The following DGKB variants were observed in gnomAD, a reference collection of about 807,000 sequenced individuals.
DGKB encodes diacylglycerol kinase beta, also known as 90 kDa diacylglycerol kinase.
Under a neutral mutation model 114.3 loss-of-function variants are expected in DGKB, and 67 were observed. The ratio of observed to expected loss-of-function variants is 0.59; its 90% CI spans 0.48 to 0.72. DGKB has a LOEUF of 0.72. Among genes scored for constraint, DGKB ranks in the 30% least tolerant of loss-of-function variants. DGKB has a pLI of 0.00. For synonymous variants in DGKB, 398 were observed against 323.1 expected (o/e 1.23, Z -2.49); for missense variants, 907 against 975.2 (o/e 0.93, Z 0.93).
At chr7:14,454,567 A>T (rs555805542) in intron 21 of DGKB, among the ~76,000 whole-genome samples, 75 of 152,192 alleles carry the variant, frequency 4.9e-4, no homozygotes, top group African/African-American at 1.6e-3. Context: ...TGATTATGTG[A>T]CACGATCTTT....
chr7:14,519,303 T>G (rs925842696), intron 20 of DGKB, among the ~76,000 whole-genome samples: 1 of 152,076 alleles, frequency 6.6e-6, no homozygotes, highest in Admixed American at 6.6e-5. Flanking sequence ...TTTTTCTGTA[T>G]AAATGGGTTT....
rs529650350 is a variant in DGKB at position 14,965,140 on chromosome 7, T to C, written c.-188+9556A>G. On this transcript the variant is annotated intron_variant, in intron 1 of 4. Transcript: ENST00000437998. The stretch of plus-strand genomic sequence containing the variant: ...GAAGAGAATACATTTTATTTTGATA[T>C]GTAGAATTGAATATACCCTAGATAT... Among the ~76,000 whole-genome samples the C allele has an allele frequency of 1.4e-4, 21 of 152,222 alleles. No homozygotes were observed. The East Asian group carries it at 3.7e-3, about 27-fold the overall frequency.
At chr7:14,513,265 A>G (rs767471610) in intron 20 of DGKB, among the ~76,000 whole-genome samples, 1 of 152,066 alleles carries the variant, frequency 6.6e-6, no homozygotes, top group Non-Finnish European at 1.5e-5. Flanking sequence ...GGTGTATTAC[A>G]TATAATTAAG....
intron 2 of DGKB, among the ~76,000 whole-genome samples, chr7:14,776,894 G>A (rs901486233): frequency 6.6e-6 from 1 of 152,140 alleles, no homozygotes; most frequent in Non-Finnish European, 1.5e-5. Context: ...CATGTGCCTG[G>A]AAAAGCCACA....
chr7:14,901,869 A>G (rs1200883182), intron 1 of DGKB, among the ~76,000 whole-genome samples: 1 of 152,194 alleles, frequency 6.6e-6, no homozygotes, highest in African/African-American at 2.4e-5. Context: ...TTAAGCCTTC[A>G]TTTTCTGCCA....
intron 23 of DGKB, among the ~76,000 whole-genome samples, chr7:14,183,439 T>A (rs969635568): frequency 6.6e-6 from 1 of 152,182 alleles, no homozygotes; most frequent in African/African-American, 2.4e-5. Flanking sequence ...AGTACAAGTA[T>A]GTAAAACATA....
rs140149338 is a variant in DGKB, at chr7:14,539,945, G to C, written c.1770+34267C>G. Among the ~76,000 whole-genome samples, 797 of 151,764 alleles carry C rather than the reference G, an allele frequency of 5.3e-3. 6 individuals carry two copies. Among genetic ancestry groups the C allele is most frequent in the African/African-American group, 0.018 (764 of 41,394 alleles). On this transcript the variant is annotated intron_variant, in intron 20 of 25. Transcript: ENST00000402815. ...TTGAAAAATAATTTTAATTAATCTC[G>C]TGTAGCATGAATTTTCATGTGATAT...
intron 2 of DGKB, among the ~76,000 whole-genome samples, chr7:14,795,925 G>T (rs1841344804): frequency 6.6e-6 from 1 of 152,154 alleles, no homozygotes; most frequent in Non-Finnish European, 1.5e-5. Flanking sequence ...AAATAAACTT[G>T]TACTAATGTT....
intron 13 of DGKB, among the ~76,000 whole-genome samples, chr7:14,649,496 C>G (rs1395322596): frequency 2.0e-5 from 3 of 151,800 alleles, no homozygotes; most frequent in Non-Finnish European, 4.4e-5. Flanking sequence ...CTGAAGGAAG[C>G]ACTAAACATG....
chr7:14,943,395 G>C (rs575108267), intron 1 of DGKB, among the ~76,000 whole-genome samples: 97 of 151,898 alleles, frequency 6.4e-4, no homozygotes, highest in Non-Finnish European at 1.2e-3. Context: ...GTGTACAATA[G>C]ATAAAATGAT....
At chr7:14,423,275 A>G (rs577241342) in intron 21 of DGKB, among the ~76,000 whole-genome samples, 20 of 152,176 alleles carry the variant, frequency 1.3e-4, no homozygotes, top group African/African-American at 3.4e-4. Context: ...AACTTACTAC[A>G]TACCTTGCTA....
intron 21 of DGKB, among the ~76,000 whole-genome samples, chr7:14,384,799 G>C: frequency 6.6e-6 from 1 of 152,102 alleles, no homozygotes; most frequent in East Asian, 1.9e-4. Context: ...GTTGGGAGGT[G>C]GCTGCCACTG....
intron 23 of DGKB, among the ~76,000 whole-genome samples, chr7:14,201,068 C>T (rs994785287): frequency 3.3e-5 from 5 of 151,876 alleles, no homozygotes; most frequent in African/African-American, 7.3e-5. Flanking sequence ...TAAACTGGAT[C>T]GCATATAAAC....
At chr7:14,839,784 AATC>A (rs745808766) in intron 2 of DGKB, among the ~76,000 whole-genome samples, 1 of 151,306 alleles carries the variant, frequency 6.6e-6, no homozygotes, top group Non-Finnish European at 1.5e-5. Context: ...TATATTTTGT[AATC>A]ATATTTTTAT....
chr7:14,742,410 C>G (rs911724475), intron 4 of DGKB, among the ~76,000 whole-genome samples: 1 of 152,124 alleles, frequency 6.6e-6, no homozygotes, highest in South Asian at 2.1e-4. Context: ...AAGGAAAATA[C>G]AAGCTGTAGT....
chr7:14,325,316 G>A (rs1439251720), intron 23 of DGKB, among the ~76,000 whole-genome samples: 7 of 152,230 alleles, frequency 4.6e-5, no homozygotes, highest in African/African-American at 1.7e-4. Context: ...ATATGGTTCC[G>A]AGGGAATCAG....
intron 21 of DGKB, among the ~76,000 whole-genome samples, chr7:14,430,706 C>G (rs562773688): frequency 1.3e-5 from 2 of 152,282 alleles, no homozygotes; most frequent in South Asian, 4.1e-4. Context: ...TTTGGGCCAA[C>G]TGTCCAAGTG....
chr7:14,238,470 G>A (rs949793099), intron 23 of DGKB, among the ~76,000 whole-genome samples: 3 of 140,226 alleles, frequency 2.1e-5, no homozygotes, highest in Non-Finnish European at 4.6e-5. Context: ...CTTTATAGCC[G>A]TGCAAAAACA....
intron 17 of DGKB, among the ~76,000 whole-genome samples, chr7:14,592,610 A>G (rs1040891155): frequency 3.3e-5 from 5 of 151,960 alleles, no homozygotes; most frequent in African/African-American, 1.2e-4. Flanking sequence ...ATTTATTAAT[A>G]CCCAAACTGT....
Sources: allele counts gnomAD v4.1 joint callset (sites outside exome capture counted in the v4.1 genomes callset), GRCh38; gene constraint gnomAD v4.1.1; transcripts MANE v1.5; gene names NCBI Gene and HGNC (gene_info 2026-07-23, HGNC 2026-07-21).